Variants in RIPOR1 observed in about 807,000 individuals in gnomAD.
RIPOR1 encodes the protein RHO family interacting cell polarization regulator 1, also known as rho family-interacting cell polarization regulator 1.
A neutral mutation model predicts 116.5 loss-of-function variants in RIPOR1; 58 were observed. The observed-to-expected ratio is 0.50, with a 90% confidence interval of 0.40 to 0.62. RIPOR1 has a LOEUF of 0.62. RIPOR1 is among the 20% of genes least tolerant of loss of function. RIPOR1 has a pLI of 0.00. For missense variants in RIPOR1, 1,372 were observed against 1,586.2 expected (o/e 0.86, Z 2.29); for synonymous variants, 605 against 650.0 (o/e 0.93, Z 1.05).
chr16:67,529,844 A>T lies in RIPOR1; in HGVS notation c.-24+930A>T. 6.5e-7 allele frequency: 1 copy of T among 1,533,758 alleles called. No homozygotes were observed. The highest frequency in any genetic ancestry group is 1.2e-5 in the South Asian group (1 of 84,010). ...GGTTATGACCATCTGGCAGATGCAG[A>T]AACAGGCCCAGAGAGGTTAGTAGTA... On this transcript the variant is annotated intron_variant, in intron 1 of 21. Coordinates refer to ENST00000042381, the MANE Select transcript of RIPOR1 (RefSeq NM_024519.4). This position sits in a 1 kb window ranked among gnomAD's most constrained non-coding sequence, Gnocchi z 4.1.
intron 1 of RIPOR1, chr16:67,538,192 C>T (rs1409590002): frequency 2.9e-5 from 12 of 419,002 alleles, no homozygotes; most frequent in Non-Finnish European, 4.9e-5. Flanking sequence ...GGAGCCCGCA[C>T]CTCGGCAGGA....
At chr16:67,536,501 G>T (rs778960020) in intron 1 of RIPOR1, among the ~76,000 whole-genome samples, 9 of 152,126 alleles carry the variant, frequency 5.9e-5, no homozygotes, top group Non-Finnish European at 1.2e-4. Context: ...GCCCATGTGA[G>T]CTGGGGGCAG....
chr16:67,539,935 G>A (rs1179986792), intron 6 of RIPOR1, 36 bp downstream of exon 6: 2 of 1,613,946 alleles, frequency 1.2e-6, no homozygotes, highest in Non-Finnish European at 1.7e-6. Context: ...TGGGGTGGGG[G>A]GTTGGATATC....
chr16:67,541,904 C>A lies in RIPOR1; in HGVS notation c.1118C>A (p.Thr373Lys). 6.2e-7 allele frequency: 1 copy of A among 1,611,166 alleles called. No homozygotes were observed. The highest frequency in any genetic ancestry group is 1.1e-5 in the South Asian group (1 of 90,982). Residue 373 changes from threonine (T) to lysine (K), a missense_variant, in exon 13 of 22, where the codon ACA (threonine) becomes AAA (lysine). Thr to Lys is a moderately conservative substitution (Grantham distance 78, BLOSUM62 -1). Coordinates refer to ENST00000042381, the MANE Select transcript of RIPOR1 (RefSeq NM_024519.4). The surrounding 1 kb of genome is among the most constrained non-coding windows in gnomAD (Gnocchi z 4.6). ...LRRQEELENG[T>K]AWSLSSESSD... ...CGGCAGGAGGAGCTGGAGAATGGGA[C>A]AGCATGGTCCCTGTCATCTGAATCT...
chr16:67,538,955 G>GCCGAGTTCATTCTTGTGGTCGC, intron 3 of RIPOR1, 35 bp from the exon 4 acceptor site: 1 of 1,613,190 alleles, frequency 6.2e-7, no homozygotes, highest in Non-Finnish European at 8.5e-7. Flanking sequence ...AGGCTGGAGA[G>GCCGAGTTCATTCTTGTGGTCGC]CCGAGTTCAT....
At position 67,541,970 on chromosome 16, in the gene RIPOR1, G is replaced by T; in HGVS notation, c.1184G>T (p.Arg395Leu). ...SSSPQLSGTA[R>L]HSPAPRPLVQ... ...AGCCCACAGCTCTCAGGCACTGCCCGCCACTCACCAGCCCCTAGGCCCCTG... is the reference window on the plus strand; with the variant it reads ...AGCCCACAGCTCTCAGGCACTGCCCTCCACTCACCAGCCCCTAGGCCCCTG... The change falls in exon 13 of 22, where the codon CGC becomes CTC. Residue 395 changes from arginine to leucine, a missense_variant. Coordinates refer to ENST00000042381, the MANE Select transcript of RIPOR1 (RefSeq NM_024519.4). The surrounding 1 kb of genome is among the most constrained non-coding windows in gnomAD (Gnocchi z 4.6). 1 of 1,612,108 alleles carries T rather than the reference G, an allele frequency of 6.2e-7. No homozygotes were observed.
chr16:67,523,889 T>G (rs937047065), upstream of RIPOR1, among the ~76,000 whole-genome samples: 6 of 151,968 alleles, frequency 3.9e-5, no homozygotes, highest in African/African-American at 1.4e-4. Flanking sequence ...TATTGCCCAG[T>G]CTGGTCTCTA....
In RIPOR1 at chr16:67,542,526, T is replaced by C. The variant is rs778816969; in HGVS notation, c.1740T>C (p.Ser580=). The C allele has an allele frequency of 1.2e-6, 2 of 1,613,474 alleles. No homozygotes were observed. The highest frequency in any genetic ancestry group is 1.7e-6 in the Non-Finnish European group (2 of 1,179,760). The change falls in exon 13 of 22, where the codon TCT becomes TCC. Residue 580 remains serine (S), a synonymous_variant. Transcript: ENST00000042381. This position sits in a 1 kb window ranked among gnomAD's most constrained non-coding sequence, Gnocchi z 4.6. ...GCTCCACCCACAAGCCCATAATCTC[T>C]ACCCTTACTACTACAGGCCCTACCC... The part of the protein sequence containing the change: ...TTGSTHKPII[S]TLTTTGPTLN...
rs761701023 is a variant in RIPOR1 at position 67,538,837 on chromosome 16, T to TCTGTTCCCAGCC, written c.257+18_257+29dup. On this transcript the variant is annotated intron_variant, in intron 3 of 21. Coordinates refer to ENST00000042381, the MANE Select transcript of RIPOR1 (RefSeq NM_024519.4). ...AGCGGGGCCTGACGTGAGCAGCTCC[T>TCTGTTCCCAGCC]CTGTTCCCAGCCCTGTCCCGGGATC... 137 of 1,612,550 alleles carry TCTGTTCCCAGCC rather than the reference T, an allele frequency of 8.5e-5. No individual in the cohort carries two copies. The African/African-American group carries it at 1.6e-3, about 19-fold the overall frequency.
chr16:67,538,843 C>G lies in RIPOR1; in HGVS notation c.257+19C>G. On this transcript the variant is annotated intron_variant, in intron 3 of 21. Coordinates refer to ENST00000042381, the MANE Select transcript of RIPOR1 (RefSeq NM_024519.4). ...GCCTGACGTGAGCAGCTCCTCTGTT[C>G]CCAGCCCTGTCCCGGGATCCCTCCC... 2 of 1,611,854 alleles carry G rather than the reference C, an allele frequency of 1.2e-6. No individual in the cohort carries two copies. The highest frequency in any genetic ancestry group is 1.7e-6 in the Non-Finnish European group (2 of 1,179,312).
intron 1 of RIPOR1, 82 bp from the exon 2 acceptor site, chr16:67,538,342 C>A: frequency 6.7e-7 from 1 of 1,486,858 alleles, no homozygotes. Flanking sequence ...CAGGAAAGAC[C>A]TGCGCCAGCC....
rs1223580508 is a variant in RIPOR1 at position 67,530,116 on chromosome 16, G to C, written c.-24+1202G>C. On this transcript the variant is annotated intron_variant, in intron 1 of 21. Transcript: ENST00000042381. This position sits in a 1 kb window ranked among gnomAD's most constrained non-coding sequence, Gnocchi z 4.5. ...AGCCGCCCCAGGGGTCTGGGTTTGG[G>C]TGCGGGTGAGGGGAGGACTCAGGAC... is the stretch of plus-strand genomic sequence containing the variant. 1 of 567,574 alleles carries C rather than the reference G, an allele frequency of 1.8e-6. No individual in the cohort carries two copies. Among genetic ancestry groups the C allele is most frequent in the Non-Finnish European group, 3.2e-6 (1 of 315,612 alleles). The allele number at this position is 567,574 out of a possible 1,614,324, so 35.2% of individuals were successfully genotyped here.
At position 67,544,971 on chromosome 16, in the gene RIPOR1, C is replaced by G. The variant is rs1465460706; in HGVS notation, c.2885C>G (p.Ala962Gly). Residue 962 changes from alanine (A) to glycine (G), a missense_variant, in exon 17 of 22, where the codon GCC (alanine) becomes GGC (glycine). This residue lies in a region of RIPOR1 where 1,005 missense variants were observed against 1,144.7 expected (regional missense o/e 0.88). Coordinates refer to ENST00000042381, the MANE Select transcript of RIPOR1 (RefSeq NM_024519.4). This position sits in a 1 kb window ranked among gnomAD's most constrained non-coding sequence, Gnocchi z 5.1. The part of the protein sequence containing the change: ...SSAQEVVQFS[A>G]SRPGFLTFWD... ...CCCCTCACAGTGGTGCAGTTCTCGG[C>G]CTCTCGGCCTGGCTTCCTGACCTTC... 1 of 1,612,708 alleles carries G rather than the reference C, an allele frequency of 6.2e-7. No homozygotes were observed. Among genetic ancestry groups the G allele is most frequent in the Non-Finnish European group, 8.5e-7 (1 of 1,180,008 alleles).
At position 67,530,398 on chromosome 16, in the gene RIPOR1, C is replaced by T. The variant is rs528171889; in HGVS notation, c.-24+1484C>T. On this transcript the variant is annotated intron_variant, in intron 1 of 21. Transcript: ENST00000042381. This position sits in a 1 kb window ranked among gnomAD's most constrained non-coding sequence, Gnocchi z 4.5. ...TGCCGCTCCCCCTCCCTCCTATACG[C>T]TTGGGCAGCTGCGAGATGACGTCAG... Among the ~76,000 whole-genome samples, 498 of 152,356 alleles carry T rather than the reference C, an allele frequency of 3.3e-3. 2 individuals are homozygous for T. The highest frequency in any genetic ancestry group is 4.9e-3 in the Non-Finnish European group (334 of 68,020).
chr16:67,538,375 G>C, intron 1 of RIPOR1, 49 bp from the exon 2 acceptor site: 2 of 1,522,162 alleles, frequency 1.3e-6, no homozygotes, highest in South Asian at 2.4e-5. Flanking sequence ...GCGTGGGAGA[G>C]GGCTTCGGGG....
At chr16:67,528,712 G>C (rs961455321), upstream of RIPOR1, 3 of 151,826 alleles carry the variant, frequency 2.0e-5, no homozygotes, top group Admixed American at 1.3e-4. Flanking sequence ...AGAGGGCGGA[G>C]CGAGCCGTGG....
At position 67,545,332 on chromosome 16, in the gene RIPOR1, T is replaced by C; in HGVS notation, c.3032-44T>C. 6.3e-7 allele frequency: 1 copy of C among 1,595,670 alleles called. No individual in the cohort carries two copies. The highest frequency in any genetic ancestry group is 8.6e-7 in the Non-Finnish European group (1 of 1,169,234). Reference sequence around the variant, plus strand: ...AGGAGCATCTCTCCCCTCTAAAAGCTGTGTTCACCCAAACTCTGAGGCCCA... The same window carrying C: ...AGGAGCATCTCTCCCCTCTAAAAGCCGTGTTCACCCAAACTCTGAGGCCCA... On this transcript the variant is annotated intron_variant, in intron 17 of 21. Coordinates refer to ENST00000042381, the MANE Select transcript of RIPOR1 (RefSeq NM_024519.4). This position sits in a 1 kb window ranked among gnomAD's most constrained non-coding sequence, Gnocchi z 4.8.
chr16:67,540,798 A>G lies in RIPOR1; in HGVS notation c.801+94A>G, dbSNP rs2050958433. The G allele has an allele frequency of 8.3e-7, 1 of 1,209,714 alleles. No homozygotes were observed. Among genetic ancestry groups the G allele is most frequent in the South Asian group, 1.5e-5 (1 of 68,430 alleles). 74.9% of individuals were successfully genotyped at this position (1,209,714 alleles called of 1,614,324 possible). A position where few individuals can be genotyped will look rare whatever the true frequency, so the allele number is the denominator to read the frequency against. ...AGTCCCTTACTCCTGTGATCCCCTC[A>G]TAGCTCCATAGCCCTGTGAAGATAT... On this transcript the variant is annotated intron_variant, in intron 10 of 21. Coordinates refer to ENST00000042381, the MANE Select transcript of RIPOR1 (RefSeq NM_024519.4). The surrounding 1 kb of genome is among the most constrained non-coding windows in gnomAD (Gnocchi z 4.7).
rs2050592235 is a variant in RIPOR1, at chr16:67,529,314, G to A, written c.-24+400G>A. On this transcript the variant is annotated intron_variant, in intron 1 of 21. Transcript: ENST00000042381. The surrounding 1 kb of genome is among the most constrained non-coding windows in gnomAD (Gnocchi z 4.1). Reference sequence around the variant, plus strand: ...GGAGGCTGGGCTGGAAATGGGGAGGGGGCGACGAAGGGTGCGGGCCGGCCT... The same window carrying A: ...GGAGGCTGGGCTGGAAATGGGGAGGAGGCGACGAAGGGTGCGGGCCGGCCT... 6.5e-6 allele frequency: 1 copy of A among 154,452 alleles called. No individual in the cohort carries two copies. 9.6% of individuals were successfully genotyped at this position (154,452 alleles called of 1,614,324 possible).
Sources: allele counts gnomAD v4.1 joint callset (sites outside exome capture counted in the v4.1 genomes callset), GRCh38; gene constraint gnomAD v4.1.1; regional missense constraint gnomAD v4.1.1; non-coding constraint Gnocchi (gnomAD v3.1); transcripts MANE v1.5; gene names NCBI Gene and HGNC (gene_info 2026-07-23, HGNC 2026-07-21).